The following ARHGEF39 variants were observed in gnomAD, a reference collection of about 807,000 sequenced individuals.
The protein encoded by ARHGEF39 is Rho guanine nucleotide exchange factor (GEF) 39.
Under a neutral mutation model 47.5 loss-of-function variants are expected in ARHGEF39, and 45 were observed. That is an observed-to-expected ratio of 0.95 (90% CI 0.75 to 1.22). The LOEUF (loss-of-function observed/expected upper bound fraction) is 1.22, where lower values mean the gene tolerates loss of function less well. Ranked by LOEUF, ARHGEF39 falls within the 50% of genes most tolerant of loss-of-function variation. The pLI, the probability that ARHGEF39 is intolerant of heterozygous loss-of-function variation, is 0.00. For synonymous variants in ARHGEF39, 164 were observed against 167.8 expected (o/e 0.98, Z 0.17); for missense variants, 411 against 425.3 (o/e 0.97, Z 0.30).
chr9:35,661,247 C>G lies in ARHGEF39; in HGVS notation c.*740G>C. The G allele has an allele frequency of 8.3e-7, 1 of 1,211,982 alleles. No homozygotes were observed. Among genetic ancestry groups the G allele is most frequent in the South Asian group, 1.5e-5 (1 of 67,950 alleles). 75.1% of individuals were successfully genotyped at this position (1,211,982 alleles called of 1,614,324 possible). On this transcript the variant is annotated 3_prime_UTR_variant, in exon 9 of 9. Transcript: ENST00000378387. ...GGTTGTACACACCCATACTAGGTGC[C>G]TAAGGACAACTGGGCCTTCTTGAAG...
intron 1 of ARHGEF39, 29 bp from the exon 2 acceptor site, chr9:35,664,879 G>A (rs772007406): frequency 6.3e-7 from 1 of 1,598,856 alleles, no homozygotes; most frequent in Non-Finnish European, 8.5e-7. Context: ...TTGGTTCTTA[G>A]CCTAGAGGAA....
chr9:35,660,494 G>A lies in ARHGEF39; in HGVS notation c.*1493C>T, dbSNP rs1331020696. The stretch of plus-strand genomic sequence containing the variant: ...TAGCAGAAGTCTGTGCTGGGTCGGG[G>A]GAGTTTAGGGGACAGCAGAAGATAC... On this transcript the variant is annotated 3_prime_UTR_variant, in exon 9 of 9. Transcript: ENST00000378387. 6.2e-7 allele frequency: 1 copy of A among 1,612,992 alleles called. No homozygotes were observed. Among genetic ancestry groups the A allele is most frequent in the Non-Finnish European group, 8.5e-7 (1 of 1,179,336 alleles).
rs752538916 is a variant in ARHGEF39 at position 35,661,993 on chromosome 9, T to C, written c.1002A>G (p.Lys334=). ...TGGAATCTATAAGATTCCTCTAGTT[T>C]TTCTGGCTGCTGTGGAGAGAAGACA... is the stretch of plus-strand genomic sequence containing the variant. ...HSLTWAISSQ[K]N The change falls in exon 9 of 9, where the codon AAA becomes AAG. Residue 334 remains lysine (K), a synonymous_variant. Transcript: ENST00000378387. 1.2e-6 allele frequency: 2 copies of C among 1,613,934 alleles called. No homozygotes were observed. The highest frequency in any genetic ancestry group is 8.5e-7 in the Non-Finnish European group (1 of 1,179,920).
At chr9:35,663,928 C>G (rs1824103681) in intron 4 of ARHGEF39, 80 bp downstream of exon 4, 1 of 1,442,248 alleles carries the variant, frequency 6.9e-7, no homozygotes, top group Non-Finnish European at 9.7e-7. Context: ...TGGGATCGAC[C>G]CCAAGGCATC....
chr9:35,661,577 A>G lies in ARHGEF39; in HGVS notation c.*410T>C. 1 of 431,792 alleles carries G rather than the reference A, an allele frequency of 2.3e-6. No homozygotes were observed. The highest frequency in any genetic ancestry group is 4.1e-6 in the Non-Finnish European group (1 of 245,626). 26.7% of individuals were successfully genotyped at this position (431,792 alleles called of 1,614,324 possible). A position where few individuals can be genotyped will look rare whatever the true frequency, so the allele number is the denominator to read the frequency against. On this transcript the variant is annotated 3_prime_UTR_variant, in exon 9 of 9. Coordinates refer to ENST00000378387, the MANE Select transcript of ARHGEF39 (RefSeq NM_032818.3). ...CCATGGACACAGCACAGAGCTTATC[A>G]GTCCCAAATCCCCTCATCTGTGTTA...
chr9:35,661,034 C>T lies in ARHGEF39; in HGVS notation c.*953G>A, dbSNP rs1156868813. On this transcript the variant is annotated 3_prime_UTR_variant, in exon 9 of 9. Transcript: ENST00000378387. The stretch of plus-strand genomic sequence containing the variant: ...CCTGGGAGGAGCCCACAAACTGGAG[C>T]ACAGAGACATGGAACCTAGCTACTT... The T allele has an allele frequency of 6.2e-7, 1 of 1,614,154 alleles. No individual in the cohort carries two copies.
In ARHGEF39 at chr9:35,665,163, G is replaced by T; in HGVS notation, c.7C>A (p.Leu3Ile). ...GGGCACCGCGAACCGGGGCAGGAGAGCTCCATGCCCTGGCTGAGGGATCGA... is the reference window on the plus strand; with the variant it reads ...GGGCACCGCGAACCGGGGCAGGAGATCTCCATGCCCTGGCTGAGGGATCGA... ME[L>I]SCPGSRCPVQ... The change falls in exon 1 of 9, where the codon CTC becomes ATC. Residue 3 changes from leucine to isoleucine, a missense_variant. Leu to Ile is a conservative substitution (Grantham distance 5). Coordinates refer to ENST00000378387, the MANE Select transcript of ARHGEF39 (RefSeq NM_032818.3). 1.3e-6 allele frequency: 2 copies of T among 1,504,622 alleles called. No homozygotes were observed. Among genetic ancestry groups the T allele is most frequent in the Non-Finnish European group, 1.8e-6 (2 of 1,121,612 alleles). 93.2% of individuals were successfully genotyped at this position (1,504,622 alleles called of 1,614,324 possible).
In ARHGEF39 at chr9:35,663,015, T is replaced by C. The variant is rs376267436; in HGVS notation, c.604A>G (p.Lys202Glu). ...QRVHTIGQKQ[K>E]NDQHLRRVQA... ...ACACGCCGAAGGTGCTGGTCATTCT[T>C]CTGTTTCTGACCAATAGTATGGACT... is the stretch of plus-strand genomic sequence containing the variant. Residue 202 changes from lysine to glutamate, a missense_variant, in exon 6 of 9, where the codon AAG becomes GAG. By Grantham distance (56) the Lys-to-Glu change is moderately conservative (BLOSUM62 1). Transcript: ENST00000378387. 4 of 1,611,084 alleles carry C rather than the reference T, an allele frequency of 2.5e-6. No individual in the cohort carries two copies. Among genetic ancestry groups the C allele is most frequent in the South Asian group, 1.1e-5 (1 of 90,948 alleles).
At position 35,661,096 on chromosome 9, in the gene ARHGEF39, G is replaced by T; in HGVS notation, c.*891C>A. ...GGGCGGGGACTACGGAGAAGGTGCAGCCAGGCTGTGGCAAAGGGCCCCAGT... is the reference window on the plus strand; with the variant it reads ...GGGCGGGGACTACGGAGAAGGTGCATCCAGGCTGTGGCAAAGGGCCCCAGT... On this transcript the variant is annotated 3_prime_UTR_variant, in exon 9 of 9. Transcript: ENST00000378387. The T allele has an allele frequency of 6.2e-7, 1 of 1,614,196 alleles. No homozygotes were observed.
In ARHGEF39 at chr9:35,662,264, A is replaced by C; in HGVS notation, c.907T>G (p.Ser303Ala). Residue 303 changes from serine (S) to alanine (A), a missense_variant, in exon 8 of 9, where the codon TCC becomes GCC. Ser to Ala is a moderately conservative substitution (Grantham distance 99, BLOSUM62 1). Transcript: ENST00000378387. ...GGPCGGLLSL[S>A]FPHEKLLLMS... ...AGCAGTAGCTTCTCATGAGGGAAGG[A>C]CAGCTAGAGAGAGACCACCTCTTAG... 6.2e-7 allele frequency: 1 copy of C among 1,613,792 alleles called. No individual in the cohort carries two copies. Among genetic ancestry groups the C allele is most frequent in the Non-Finnish European group, 8.5e-7 (1 of 1,179,668 alleles).
chr9:35,660,457 G>A lies in ARHGEF39; in HGVS notation c.*1530C>T. 1 of 1,613,336 alleles carries A rather than the reference G, an allele frequency of 6.2e-7. No homozygotes were observed. Among genetic ancestry groups the A allele is most frequent in the Non-Finnish European group, 8.5e-7 (1 of 1,179,652 alleles). The stretch of plus-strand genomic sequence containing the variant: ...AGGCAAGCAAGCAGCAGCCACTGCA[G>A]TCAGGTGGGTTTAGCAGAAGTCTGT... On this transcript the variant is annotated 3_prime_UTR_variant, in exon 9 of 9. Transcript: ENST00000378387.
chr9:35,663,041 C>A lies in ARHGEF39; in HGVS notation c.578G>T (p.Arg193Ile). The A allele has an allele frequency of 3.7e-6, 6 of 1,612,328 alleles. No homozygotes were observed. The highest frequency in any genetic ancestry group is 5.1e-6 in the Non-Finnish European group (6 of 1,178,576). Residue 193 changes from arginine (R) to isoleucine (I), a missense_variant, in exon 6 of 9, where the codon AGA becomes ATA. By Grantham distance (97) the Arg-to-Ile change is moderately conservative (BLOSUM62 -3). Transcript: ENST00000378387. Reference protein sequence around the residue: ...AARLISETAQRVHTIGQKQKN... With the variant: ...AARLISETAQIVHTIGQKQKN... ...CTGTTTCTGACCAATAGTATGGACT[C>A]TCTGGGCAGTCTCACTTATCAGTCG... is the stretch of plus-strand genomic sequence containing the variant.
chr9:35,663,160 A>C (rs1824060167), intron 5 of ARHGEF39, 86 bp from the exon 6 acceptor site: 1 of 1,601,724 alleles, frequency 6.2e-7, no homozygotes, highest in Admixed American at 1.7e-5. Flanking sequence ...GGAAGGGACC[A>C]GGGTCAGGGT....
In ARHGEF39 at chr9:35,664,738, T is replaced by G; in HGVS notation, c.233+18A>C. 6.2e-7 allele frequency: 1 copy of G among 1,607,084 alleles called. No homozygotes were observed. The highest frequency in any genetic ancestry group is 8.5e-7 in the Non-Finnish European group (1 of 1,177,330). On this transcript the variant is annotated intron_variant, in intron 2 of 8. Coordinates refer to ENST00000378387, the MANE Select transcript of ARHGEF39 (RefSeq NM_032818.3). ...AGGACTCTCCCTCCTTTCCTCTCCC[T>G]GTGCCCCTTCCACTCACTGGCTGGC...
At position 35,665,051 on chromosome 9, in the gene ARHGEF39, T is replaced by C; in HGVS notation, c.119A>G (p.Gln40Arg). The C allele has an allele frequency of 6.4e-7, 1 of 1,565,192 alleles. No homozygotes were observed. The highest frequency in any genetic ancestry group is 8.6e-7 in the Non-Finnish European group (1 of 1,156,572). The change falls in exon 1 of 9, where the codon CAG becomes CGG. Residue 40 changes from glutamine (Q) to arginine (R), a missense_variant. Coordinates refer to ENST00000378387, the MANE Select transcript of ARHGEF39 (RefSeq NM_032818.3). Reference protein sequence around the residue: ...LLETERRYQEQLGLVATYFLG... With the variant: ...LLETERRYQERLGLVATYFLG... ...CCCCACCGTGGCCACCAGCCCCAGCTGTTCTTGGTAGCGCCGCTCGGTCTC... is the reference window on the plus strand; with the variant it reads ...CCCCACCGTGGCCACCAGCCCCAGCCGTTCTTGGTAGCGCCGCTCGGTCTC...
At chr9:35,662,386 C>G (rs534900778) in intron 7 of ARHGEF39, 119 bp from the exon 8 acceptor site, 10 of 1,367,694 alleles carry the variant, frequency 7.3e-6, no homozygotes, top group Non-Finnish European at 1.0e-5. Flanking sequence ...GAAGCCCGAG[C>G]CCCAGCTATC....
chr9:35,661,227 T>C lies in ARHGEF39; in HGVS notation c.*760A>G. On this transcript the variant is annotated 3_prime_UTR_variant, in exon 9 of 9. Coordinates refer to ENST00000378387, the MANE Select transcript of ARHGEF39 (RefSeq NM_032818.3). ...GTGTTTTTTCGATCCTAGTTGGTTG[T>C]ACACACCCATACTAGGTGCCTAAGG... 1 of 1,432,166 alleles carries C rather than the reference T, an allele frequency of 7.0e-7. No homozygotes were observed. Among genetic ancestry groups the C allele is most frequent in the Non-Finnish European group, 9.6e-7 (1 of 1,042,626 alleles). 88.7% of individuals were successfully genotyped at this position (1,432,166 alleles called of 1,614,324 possible).
At position 35,660,711 on chromosome 9, in the gene ARHGEF39, A is replaced by T. The variant is rs776277883; in HGVS notation, c.*1276T>A. The T allele has an allele frequency of 1.9e-6, 3 of 1,613,830 alleles. No homozygotes were observed. The highest frequency in any genetic ancestry group is 2.5e-6 in the Non-Finnish European group (3 of 1,179,766). ...TGTGGCAGGAGGGAGGAATGGGGAC[A>T]TAGGTTGGGAGCCACTGAGTGGACA... On this transcript the variant is annotated 3_prime_UTR_variant, in exon 9 of 9. Coordinates refer to ENST00000378387, the MANE Select transcript of ARHGEF39 (RefSeq NM_032818.3).
chr9:35,664,679 GTC>G, intron 2 of ARHGEF39, 75 bp downstream of exon 2: 1 of 1,513,644 alleles, frequency 6.6e-7, no homozygotes, highest in South Asian at 1.3e-5. Flanking sequence ...TAGAACCTAA[GTC>G]TGACTCCAAG....
Sources: allele counts gnomAD v4.1 joint callset, GRCh38; gene constraint gnomAD v4.1.1; transcripts MANE v1.5; gene names NCBI Gene and HGNC (gene_info 2026-07-23, HGNC 2026-07-21).